Variants in PVT1 observed in about 807,000 individuals in gnomAD.
The protein encoded by PVT1 is Pvt1 oncogene.
intron 2 of PVT1, among the ~76,000 whole-genome samples, chr8:127,822,701 T>C (rs1015675155): frequency 6.6e-6 from 1 of 152,234 alleles, no homozygotes; most frequent in Admixed American, 6.5e-5. Flanking sequence ...GCAGAAATGC[T>C]GAGCTTGTTG....
intron 5 of PVT1, among the ~76,000 whole-genome samples, chr8:128,077,096 A>G (rs967461537): frequency 3.9e-5 from 6 of 152,178 alleles, no homozygotes; most frequent in Non-Finnish European, 7.4e-5. Flanking sequence ...GGCAAGAGTT[A>G]TGGCTCCCTG....
At chr8:127,869,415 G>A (rs997257036) in intron 2 of PVT1, among the ~76,000 whole-genome samples, 2 of 152,190 alleles carry the variant, frequency 1.3e-5, no homozygotes, top group African/African-American at 2.4e-5. Context: ...ACAGGTGTGA[G>A]CCACCACGCT....
At chr8:128,064,387 G>A (rs967093909) in intron 4 of PVT1, among the ~76,000 whole-genome samples, 14 of 152,324 alleles carry the variant, frequency 9.2e-5, no homozygotes, top group African/African-American at 2.6e-4. Flanking sequence ...GCCATGCACC[G>A]TCATCTTTTC....
chr8:127,949,691 G>A (rs939781764), intron 3 of PVT1, among the ~76,000 whole-genome samples: 9 of 152,108 alleles, frequency 5.9e-5, no homozygotes, highest in African/African-American at 1.2e-4. Flanking sequence ...GCTGAAACCC[G>A]TGAATCTGCC....
At chr8:127,877,161 G>T (rs1374284113) in intron 2 of PVT1, among the ~76,000 whole-genome samples, 1 of 152,208 alleles carries the variant, frequency 6.6e-6, no homozygotes, top group Non-Finnish European at 1.5e-5. Context: ...GGAGCTCAGA[G>T]CGCCTAGAAT....
At chr8:128,021,534 C>A (rs1280672581) in intron 4 of PVT1, among the ~76,000 whole-genome samples, 1 of 151,992 alleles carries the variant, frequency 6.6e-6, no homozygotes, top group African/African-American at 2.4e-5. Flanking sequence ...ACTTCGTGAT[C>A]CGCCCTCCTC....
chr8:127,976,285 C>T (rs1407907171), intron 3 of PVT1, among the ~76,000 whole-genome samples: 1 of 152,164 alleles, frequency 6.6e-6, no homozygotes, highest in South Asian at 2.1e-4. Flanking sequence ...CTTTCCCTGC[C>T]TCTGACTTGC....
At chr8:127,950,897 T>C (rs1484787687) in intron 3 of PVT1, among the ~76,000 whole-genome samples, 1 of 152,166 alleles carries the variant, frequency 6.6e-6, no homozygotes, top group Admixed American at 6.5e-5. Flanking sequence ...CAAGCCACTG[T>C]CTTTTCTTTT....
chr8:127,846,980 C>CTTTTTTTT (rs34437112), intron 2 of PVT1, among the ~76,000 whole-genome samples: 57 of 62,406 alleles, frequency 9.1e-4, no homozygotes, highest in Non-Finnish European at 1.2e-3. Flanking sequence ...TGCACATGGC[C>CTTTTTTTT]TTTTTTTTTT....
intron 4 of PVT1, among the ~76,000 whole-genome samples, chr8:128,027,930 A>G (rs571156396): frequency 2.3e-4 from 35 of 152,296 alleles, no homozygotes; most frequent in African/African-American, 8.2e-4. Context: ...TATGTGGCTC[A>G]TACCTGAGGC....
chr8:127,887,962 A>C (rs1815547584), intron 2 of PVT1, among the ~76,000 whole-genome samples: 1 of 46,012 alleles, frequency 2.2e-5, no homozygotes, highest in Non-Finnish European at 3.8e-5. Context: ...TTTTTTTGAG[A>C]CTGAATCTCA....
At chr8:127,818,891 G>C (rs1814697419) in intron 2 of PVT1, among the ~76,000 whole-genome samples, 2 of 150,238 alleles carry the variant, frequency 1.3e-5, no homozygotes, top group Admixed American at 1.3e-4. Flanking sequence ...CTCTCACTCT[G>C]TTGCCTAGGC....
At chr8:128,063,996 A>C (rs1040192278) in intron 4 of PVT1, among the ~76,000 whole-genome samples, 4 of 152,184 alleles carry the variant, frequency 2.6e-5, no homozygotes, top group Non-Finnish European at 5.9e-5. Context: ...TTAAAAAAAA[A>C]GATTAAAGAA....
At chr8:128,009,516 T>C (rs922926595) in intron 4 of PVT1, 1 of 152,180 alleles carries the variant, frequency 6.6e-6, no homozygotes, top group Non-Finnish European at 1.5e-5. Flanking sequence ...TAAAGACATA[T>C]AGGTGGTATT....
chr8:127,938,759 G>C (rs1336063436), intron 3 of PVT1, among the ~76,000 whole-genome samples: 1 of 152,140 alleles, frequency 6.6e-6, no homozygotes, highest in Non-Finnish European at 1.5e-5. Context: ...AAAATCTTAG[G>C]TTTATTGCCT....
At chr8:127,856,523 T>C (rs1374178045) in intron 2 of PVT1, among the ~76,000 whole-genome samples, 1 of 151,976 alleles carries the variant, frequency 6.6e-6, no homozygotes, top group Non-Finnish European at 1.5e-5. Context: ...GTATTTTTGA[T>C]AGAGACGGGG....
intron 3 of PVT1, chr8:127,932,612 G>A (rs975024480): frequency 2.4e-4 from 95 of 398,334 alleles, no homozygotes; most frequent in African/African-American, 1.7e-3. Context: ...TTCGCTGTTC[G>A]TAGACATGGT....
At chr8:127,990,338 G>A (rs1343948298) in intron 4 of PVT1, among the ~76,000 whole-genome samples, 1 of 152,200 alleles carries the variant, frequency 6.6e-6, no homozygotes, top group Non-Finnish European at 1.5e-5. Flanking sequence ...AGCAAGGACT[G>A]TCTTACACAT....
chr8:127,978,631 G>T (rs1191310682), intron 3 of PVT1, among the ~76,000 whole-genome samples: 5 of 151,970 alleles, frequency 3.3e-5, no homozygotes, highest in Admixed American at 6.6e-5. Flanking sequence ...TTACAGGCAC[G>T]TGCCACCACA....
Sources: allele counts gnomAD v4.1 joint callset (sites outside exome capture counted in the v4.1 genomes callset), GRCh38; gene constraint gnomAD v4.1.1; transcripts MANE v1.5; gene names NCBI Gene and HGNC (gene_info 2026-07-23, HGNC 2026-07-21).